The following MYO1E variants were observed in gnomAD, a reference collection of about 807,000 sequenced individuals.
MYO1E encodes the protein unconventional myosin-Ie.
MYO1E carries 68 observed loss-of-function variants against 151.1 expected under a neutral mutation model. The ratio of observed to expected loss-of-function variants is 0.45; its 90% CI spans 0.37 to 0.55. MYO1E has a LOEUF of 0.55. MYO1E is among the 20% of genes least tolerant of loss of function. The pLI is 0.00. For synonymous variants in MYO1E, 601 were observed against 501.7 expected, an observed-to-expected ratio of 1.20 and a Z score of -2.64; for missense variants, 1,363 against 1,389.3, an observed-to-expected ratio of 0.98 and a Z score of 0.30.
rs180951130 is a variant in MYO1E, at chr15:59,171,994, C to T, written c.2383G>A (p.Gly795Arg). The T allele has an allele frequency of 4.4e-4, 717 of 1,614,126 alleles. 2 individuals are homozygous for T. The highest frequency in any genetic ancestry group is 1.5e-3 in the Middle Eastern group (9 of 6,062). The change falls in exon 22 of 28, where the codon GGA (glycine) becomes AGA (arginine). Residue 795 changes from glycine (G) to arginine (R), a missense_variant. Coordinates refer to ENST00000288235, the MANE Select transcript of MYO1E (RefSeq NM_004998.4). The part of the protein sequence containing the change: ...LLTPKCLYLI[G>R]REKVKQGPDK... ...GGGCCCTGTTTGACTTTTTCTCGTCCGATTAAGTACAAGCACTTTGGGGTA... is the reference window on the plus strand; with the variant it reads ...GGGCCCTGTTTGACTTTTTCTCGTCTGATTAAGTACAAGCACTTTGGGGTA...
chr15:59,206,450 C>A (rs1358561572), intron 14 of MYO1E, among the ~76,000 whole-genome samples: 1 of 152,172 alleles, frequency 6.6e-6, no homozygotes, highest in Non-Finnish European at 1.5e-5. Context: ...AGGCCTCCAG[C>A]GCCATAGACC....
intron 2 of MYO1E, among the ~76,000 whole-genome samples, chr15:59,268,718 G>GTTTTTTTTTTTTTTTTTTTTTTTTTTTTT (rs1452818863): frequency 1.2e-3 from 15 of 12,044 alleles, no homozygotes; most frequent in South Asian, 6.0e-3. Flanking sequence ...GGTGACTTTG[G>GTTTTTTTTTTTTTTTTTTTTTTTTTTTTT]TATTTTTTTT....
chr15:59,356,658 C>T (rs1232586459), intron 1 of MYO1E, among the ~76,000 whole-genome samples: 1 of 151,730 alleles, frequency 6.6e-6, no homozygotes, highest in Non-Finnish European at 1.5e-5. Flanking sequence ...GCTCACTGCA[C>T]CCTCTGCCTC....
chr15:59,213,835 A>T (rs2079896577), intron 12 of MYO1E, among the ~76,000 whole-genome samples: 1 of 152,202 alleles, frequency 6.6e-6, no homozygotes, highest in Admixed American at 6.5e-5. Flanking sequence ...CTTTGTTAAA[A>T]ATGCACGTAT....
At chr15:59,234,913 T>A (rs1235159575) in intron 5 of MYO1E, among the ~76,000 whole-genome samples, 1 of 151,458 alleles carries the variant, frequency 6.6e-6, no homozygotes. Flanking sequence ...TAACATTACA[T>A]AATTCTGATT....
intron 1 of MYO1E, among the ~76,000 whole-genome samples, chr15:59,277,582 C>T (rs1430510775): frequency 3.2e-5 from 2 of 62,468 alleles, no homozygotes; most frequent in Non-Finnish European, 8.5e-5. Context: ...AACATCAAAG[C>T]CTCATCCTCT....
chr15:59,288,595 C>T (rs1165479771), intron 1 of MYO1E, among the ~76,000 whole-genome samples: 1 of 152,172 alleles, frequency 6.6e-6, no homozygotes, highest in African/African-American at 2.4e-5. Context: ...AACTGGGATA[C>T]TACTAGCCAC....
In MYO1E at chr15:59,134,480, A is replaced by T. The variant is rs1029296370; in HGVS notation, c.*2900T>A. The T allele has an allele frequency of 6.6e-5, 10 of 152,354 alleles. No individual in the cohort carries two copies. The highest frequency in any genetic ancestry group is 5.9e-4 in the Admixed American group (9 of 15,290). The allele number at this position is 152,354 out of a possible 1,614,324, so 9.4% of individuals were successfully genotyped here. A position where few individuals can be genotyped will look rare whatever the true frequency, so the allele number is the denominator to read the frequency against. On this transcript the variant is annotated 3_prime_UTR_variant, in exon 28 of 28. Coordinates refer to ENST00000288235, the MANE Select transcript of MYO1E (RefSeq NM_004998.4). The stretch of plus-strand genomic sequence containing the variant: ...TGAGGCAGGAGGATCGTTTGATCCC[A>T]GGAGTTTCAGATCAGCCTCTCTCTG...
chr15:59,226,146 T>G (rs1165079470), intron 7 of MYO1E, among the ~76,000 whole-genome samples: 1 of 152,192 alleles, frequency 6.6e-6, no homozygotes, highest in Non-Finnish European at 1.5e-5. Flanking sequence ...TATTTTTCAC[T>G]TATCTATATA....
chr15:59,197,431 C>A (rs189306943), intron 16 of MYO1E, among the ~76,000 whole-genome samples: 4 of 152,324 alleles, frequency 2.6e-5, no homozygotes, highest in African/African-American at 7.2e-5. Flanking sequence ...TTGCCATAGT[C>A]CTCTCCAGCT....
chr15:59,208,508 CA>C (rs1415595979), intron 14 of MYO1E, 172 bp downstream of exon 14: 29 of 748,078 alleles, frequency 3.9e-5, no homozygotes, highest in African/African-American at 1.6e-4. Flanking sequence ...AATGTACATA[CA>C]AAAAAATGCA....
chr15:59,321,782 T>C (rs764873549), intron 1 of MYO1E, among the ~76,000 whole-genome samples: 23 of 152,070 alleles, frequency 1.5e-4, no homozygotes, highest in Non-Finnish European at 2.8e-4. Flanking sequence ...GAGGCTGACC[T>C]GGGAGAATCT....
intron 10 of MYO1E, among the ~76,000 whole-genome samples, chr15:59,216,949 G>A (rs1004725151): frequency 4.0e-5 from 6 of 151,438 alleles, no homozygotes; most frequent in South Asian, 4.2e-4. Flanking sequence ...CAGATCACTC[G>A]CTCTGGGGAA....
intron 1 of MYO1E, among the ~76,000 whole-genome samples, chr15:59,316,319 G>C (rs1159828748): frequency 6.6e-6 from 1 of 152,154 alleles, no homozygotes; most frequent in Non-Finnish European, 1.5e-5. Flanking sequence ...CAGCAGAGTG[G>C]ATGCCATTTT....
intron 1 of MYO1E, among the ~76,000 whole-genome samples, chr15:59,323,063 G>C (rs1332539622): frequency 6.7e-6 from 1 of 150,182 alleles, no homozygotes; most frequent in African/African-American, 2.5e-5. Flanking sequence ...CAGCTACTCA[G>C]GAGGCTGAGG....
chr15:59,279,808 C>T (rs1318765731), intron 1 of MYO1E, among the ~76,000 whole-genome samples: 1 of 152,170 alleles, frequency 6.6e-6, no homozygotes, highest in African/African-American at 2.4e-5. Flanking sequence ...TAAGGAGCCC[C>T]AATTTTGTTT....
chr15:59,161,134 G>T lies in MYO1E; in HGVS notation c.2724C>A (p.Val908=), dbSNP rs773285920. The T allele has an allele frequency of 6.8e-6, 11 of 1,614,092 alleles. No individual in the cohort carries two copies. The highest frequency in any genetic ancestry group is 5.0e-5 in the Admixed American group (3 of 60,024). ...QFHQGFGDLA[V]LKPSNKVLQV... ...GCAGCACTTTGTTACTGGGCTTGAG[G>T]ACAGCCAGGTCCCCAAACCCTTGGT... The change falls in exon 24 of 28, where the codon GTC becomes GTA. Residue 908 remains valine, a synonymous_variant. Transcript: ENST00000288235.
intron 1 of MYO1E, among the ~76,000 whole-genome samples, chr15:59,294,054 A>G (rs1023157852): frequency 3.9e-5 from 6 of 152,348 alleles, no homozygotes; most frequent in African/African-American, 1.2e-4. Context: ...ACAAAACAAA[A>G]TAACAACAGA....
At chr15:59,179,360 T>C (rs933878340) in intron 18 of MYO1E, among the ~76,000 whole-genome samples, 1 of 152,214 alleles carries the variant, frequency 6.6e-6, no homozygotes, top group African/African-American at 2.4e-5. Context: ...GGTGTTTATT[T>C]GGTTAATTTA....
Sources: gnomAD v4.1 joint callset for allele counts (sites outside exome capture counted in the v4.1 genomes callset) on GRCh38, gnomAD v4.1.1 for gene constraint, MANE v1.5 for transcripts, NCBI Gene and HGNC (gene_info 2026-07-23, HGNC 2026-07-21) for gene names.